Variants in ESRRB observed in about 807,000 individuals in gnomAD.
ESRRB encodes steroid hormone receptor ERR2.
ESRRB carries 16 observed loss-of-function variants against 46.0 expected under a neutral mutation model. The observed-to-expected ratio is 0.35, with a 90% CI of 0.24 to 0.53. The LOEUF (loss-of-function observed/expected upper bound fraction) is 0.53, where lower values mean the gene tolerates loss of function less well. Ranked by LOEUF, ESRRB falls within the 20% of genes least tolerant of loss-of-function variation. The pLI, the probability that ESRRB is intolerant of heterozygous loss-of-function variation, is 0.93. For missense variants in ESRRB, 488 were observed against 607.4 expected (o/e 0.80, Z 2.07); for synonymous variants, 246 against 259.6 (o/e 0.95, Z 0.50).
At chr14:76,432,375 A>T (rs1244258925) in intron 1 of ESRRB, among the ~76,000 whole-genome samples, 1 of 152,234 alleles carries the variant, frequency 6.6e-6, no homozygotes, top group Non-Finnish European at 1.5e-5. Flanking sequence ...TTGCACCAGC[A>T]TCATGAGTTA....
chr14:76,430,963 G>A (rs1595110076), intron 1 of ESRRB, among the ~76,000 whole-genome samples: 1 of 152,208 alleles, frequency 6.6e-6, no homozygotes, highest in East Asian at 1.9e-4. Context: ...CCAGCAGCAG[G>A]CCACCTAGTG....
At chr14:76,449,788 G>A (rs1475771649) in intron 2 of ESRRB, among the ~76,000 whole-genome samples, 1 of 141,980 alleles carries the variant, frequency 7.0e-6, no homozygotes, top group Non-Finnish European at 1.5e-5. Flanking sequence ...TGGTCCTTGG[G>A]ACAGGGTCTT....
intron 1 of ESRRB, among the ~76,000 whole-genome samples, chr14:76,414,689 A>AAAAAC (rs1374297307): frequency 3.5e-5 from 5 of 143,820 alleles, no homozygotes; most frequent in African/African-American, 1.3e-4. Flanking sequence ...AAAAAAAAAA[A>AAAAAC]AAAACTATTC....
At chr14:76,338,836 G>A (rs370315944) in intron 1 of ESRRB, among the ~76,000 whole-genome samples, 3 of 152,068 alleles carry the variant, frequency 2.0e-5, no homozygotes, top group South Asian at 4.2e-4. Flanking sequence ...CCAGCTACTC[G>A]GGAGACTGAG....
At chr14:76,493,320 A>T (rs2361294) in intron 6 of ESRRB, among the ~76,000 whole-genome samples, 103,049 of 151,858 alleles carry the variant, frequency 0.68, 36,027 homozygotes, top group Admixed American at 0.78. Context: ...ACACTCAGCT[A>T]ATTTTTGTAT....
intron 1 of ESRRB, among the ~76,000 whole-genome samples, chr14:76,313,768 A>G (rs1883766199): frequency 6.6e-6 from 1 of 151,800 alleles, no homozygotes; most frequent in Admixed American, 6.6e-5. Context: ...TCTTATCTCT[A>G]TTTTTACATT....
rs557513802 is a variant in ESRRB, at chr14:76,414,502, C to G, written c.51-24839C>G. On this transcript the variant is annotated intron_variant, in intron 1 of 6. Coordinates refer to ENST00000644823, the MANE Select transcript of ESRRB (RefSeq NM_001379180.1). ...TTGTGCCCCTGTGGTTCCTCCCCAG[C>G]TCAGTCCCCTGTGTTGCTGAGCTTG... Among the ~76,000 whole-genome samples the G allele has an allele frequency of 5.3e-5, 8 of 151,552 alleles. No homozygotes were observed. In the South Asian group the frequency reaches 1.5e-3, roughly 28 times the overall value.
At chr14:76,387,325 G>A (rs958696810) in intron 1 of ESRRB, among the ~76,000 whole-genome samples, 1 of 152,214 alleles carries the variant, frequency 6.6e-6, no homozygotes, top group African/African-American at 2.4e-5. Context: ...CCCCGGGTAC[G>A]GGGAATGGAA....
intron 1 of ESRRB, among the ~76,000 whole-genome samples, chr14:76,425,170 T>C (rs1243277580): frequency 6.6e-6 from 1 of 152,148 alleles, no homozygotes; most frequent in Admixed American, 6.5e-5. Flanking sequence ...TTCCGCAGTC[T>C]GGAGGGCTAT....
In ESRRB at chr14:76,482,046, G is replaced by A. The variant is rs1060499794; in HGVS notation, c.608G>A (p.Arg203His). Residue 203 changes from arginine (R) to histidine (H), a missense_variant, in exon 4 of 7, where the codon CGT becomes CAT. Physicochemically the swap from Arg to His is conservative, Grantham distance 29. Coordinates refer to ENST00000644823, the MANE Select transcript of ESRRB (RefSeq NM_001379180.1). This position sits in a 1 kb window ranked among gnomAD's most constrained non-coding sequence, Gnocchi z 4.3. ...CGCCTTGATCGAGTGCGTGGAGGCC[G>A]TCAGAAATACAAGCGACGGCTGGAC... ...GVRLDRVRGG[R>H]QKYKRRLDSE... 8 of 1,614,164 alleles carry A rather than the reference G, an allele frequency of 5.0e-6. No homozygotes were observed. The highest frequency in any genetic ancestry group is 4.4e-5 in the South Asian group (4 of 91,080).
rs147365050 is a variant in ESRRB, at chr14:76,472,458, T to C, written c.578-9558T>C. On this transcript the variant is annotated intron_variant, in intron 3 of 6. Coordinates refer to ENST00000644823, the MANE Select transcript of ESRRB (RefSeq NM_001379180.1). Reference sequence around the variant, plus strand: ...AAAAGCCCTGGAATATTAGGTGTCATGTATGTCTGTTTAGCTACAAGGCTC... The same window carrying C: ...AAAAGCCCTGGAATATTAGGTGTCACGTATGTCTGTTTAGCTACAAGGCTC... 1.8e-4 allele frequency among the ~76,000 whole-genome samples: 27 copies of C among 152,290 alleles called. No homozygotes were observed. The East Asian group carries it at 5.0e-3, about 28-fold the overall frequency.
At position 76,498,637 on chromosome 14, in the gene ESRRB, G is replaced by C. The variant is rs1015661873; in HGVS notation, c.*179G>C. On this transcript the variant is annotated 3_prime_UTR_variant, in exon 7 of 7. Transcript: ENST00000644823. Reference sequence around the variant, plus strand: ...AGACTCCCGGGTGCAGTGGGGTGGGGGACGGGGATGGGGGGGCAGGGGTGT... The same window carrying C: ...AGACTCCCGGGTGCAGTGGGGTGGGCGACGGGGATGGGGGGGCAGGGGTGT... The C allele has an allele frequency of 8.1e-7, 1 of 1,242,016 alleles. No individual in the cohort carries two copies. The highest frequency in any genetic ancestry group is 1.5e-5 in the African/African-American group (1 of 66,236). 76.9% of individuals were successfully genotyped at this position (1,242,016 alleles called of 1,614,324 possible). A position where few individuals can be genotyped will look rare whatever the true frequency, so the allele number is the denominator to read the frequency against.
chr14:76,322,259 A>C (rs1883876163), intron 1 of ESRRB, among the ~76,000 whole-genome samples: 1 of 152,186 alleles, frequency 6.6e-6, no homozygotes, highest in South Asian at 2.1e-4. Flanking sequence ...GCCCTCTGTT[A>C]ATCAGTCTTA....
chr14:76,426,711 G>A (rs188101340), intron 1 of ESRRB, among the ~76,000 whole-genome samples: 7 of 152,256 alleles, frequency 4.6e-5, no homozygotes, highest in Admixed American at 3.9e-4. Context: ...CTGCAAGAGT[G>A]TCAAGCATGC....
chr14:76,362,794 A>G (rs189445694), intron 1 of ESRRB, among the ~76,000 whole-genome samples: 67 of 152,270 alleles, frequency 4.4e-4, no homozygotes, highest in African/African-American at 1.4e-3. Flanking sequence ...CTGAGTGGGA[A>G]TGGGGTGATC....
chr14:76,420,270 G>A (rs1247149435), intron 1 of ESRRB, among the ~76,000 whole-genome samples: 2 of 152,092 alleles, frequency 1.3e-5, no homozygotes, highest in African/African-American at 2.4e-5. Context: ...GGCCCCCCCA[G>A]CAGATGGTGA....
intron 1 of ESRRB, among the ~76,000 whole-genome samples, chr14:76,382,925 C>T (rs1271724892): frequency 2.0e-4 from 30 of 152,152 alleles, no homozygotes; most frequent in Admixed American, 1.8e-3. Context: ...CGGGACTGAA[C>T]CTTTTCAGGG....
intron 1 of ESRRB, among the ~76,000 whole-genome samples, chr14:76,432,213 G>A (rs949213153): frequency 5.9e-5 from 9 of 152,186 alleles, no homozygotes; most frequent in Non-Finnish European, 8.8e-5. Context: ...AGGGTGCTAC[G>A]GGCATTGAGT....
At chr14:76,324,241 C>A (rs951534664) in intron 1 of ESRRB, among the ~76,000 whole-genome samples, 2 of 152,192 alleles carry the variant, frequency 1.3e-5, no homozygotes, top group Non-Finnish European at 2.9e-5. Flanking sequence ...GTTGTCCCAC[C>A]TTGAGGCACA....
Sources: gnomAD v4.1 joint callset for allele counts (sites outside exome capture counted in the v4.1 genomes callset) on GRCh38, gnomAD v4.1.1 for gene constraint, Gnocchi (gnomAD v3.1) non-coding constraint, MANE v1.5 for transcripts, NCBI Gene and HGNC (gene_info 2026-07-23, HGNC 2026-07-21) for gene names.